THSD4: variants seen among roughly 807,000 people sequenced by gnomAD.
THSD4 encodes the protein thrombospondin type-1 domain-containing protein 4.
Under a neutral mutation model 119.0 loss-of-function variants are expected in THSD4, and 69 were observed. The ratio of observed to expected loss-of-function variants is 0.58; its 90% CI spans 0.48 to 0.71. THSD4 has a LOEUF of 0.71. Among genes scored for constraint, THSD4 ranks in the 30% least tolerant of loss-of-function variants. THSD4 has a pLI of 0.00. For missense variants in THSD4, 1,393 were observed against 1,391.1 expected (o/e 1.00, Z -0.02); for synonymous variants, 524 against 540.4 (o/e 0.97, Z 0.42).
intron 3 of THSD4, among the ~76,000 whole-genome samples, chr15:71,182,612 C>A (rs670409): frequency 6.6e-6 from 1 of 151,614 alleles, no homozygotes; most frequent in Admixed American, 6.6e-5. Context: ...TTCCAGGCCA[C>A]ATTACAGTTA....
intron 7 of THSD4, among the ~76,000 whole-genome samples, chr15:71,454,672 G>A (rs527444346): frequency 2.6e-5 from 4 of 152,228 alleles, no homozygotes; most frequent in East Asian, 1.9e-4. Context: ...AGCACAGCCC[G>A]TTAAAATTCA....
intron 7 of THSD4, among the ~76,000 whole-genome samples, chr15:71,587,798 AAG>A (rs1555429613): frequency 2.6e-4 from 18 of 69,344 alleles, no homozygotes; most frequent in East Asian, 1.1e-3. Flanking sequence ...AAAAAAAAAA[AAG>A]AAAAAAAAAA....
intron 6 of THSD4, among the ~76,000 whole-genome samples, chr15:71,266,291 C>G (rs2044465014): frequency 6.6e-6 from 1 of 152,220 alleles, no homozygotes; most frequent in South Asian, 2.1e-4. Flanking sequence ...TGTTCTTCAG[C>G]CTCTGCTGGT....
chr15:71,205,188 G>A (rs1440479731), intron 3 of THSD4, among the ~76,000 whole-genome samples: 1 of 152,158 alleles, frequency 6.6e-6, no homozygotes, highest in Non-Finnish European at 1.5e-5. Flanking sequence ...ACATTACCCC[G>A]TGGCTCTCAC....
chr15:71,581,437 T>G (rs1397060173), intron 7 of THSD4, among the ~76,000 whole-genome samples: 1 of 152,224 alleles, frequency 6.6e-6, no homozygotes, highest in Non-Finnish European at 1.5e-5. Flanking sequence ...ATTATATTCC[T>G]TATCAGGATA....
chr15:71,702,978 C>A (rs1278339888), intron 8 of THSD4, among the ~76,000 whole-genome samples: 2 of 151,918 alleles, frequency 1.3e-5, no homozygotes, highest in African/African-American at 2.4e-5. Flanking sequence ...GGTTTCTGAC[C>A]CCTGCTCTTT....
intron 8 of THSD4, among the ~76,000 whole-genome samples, chr15:71,723,019 G>C (rs2052751876): frequency 6.6e-6 from 1 of 151,538 alleles, no homozygotes; most frequent in Non-Finnish European, 1.5e-5. Flanking sequence ...TTGTGTGGAT[G>C]GCCAGTGTTA....
At chr15:71,102,880 CT>C (rs1197185662) in intron 1 of THSD4, among the ~76,000 whole-genome samples, 4 of 152,114 alleles carry the variant, frequency 2.6e-5, no homozygotes, top group Admixed American at 6.6e-5. Context: ...TTTATATCTT[CT>C]TTTTTCCCCC....
intron 6 of THSD4, chr15:71,342,587 G>A (rs12592779): frequency 0.19 from 29,297 of 152,408 alleles, 3,746 homozygotes; most frequent in East Asian, 0.57. Context: ...TGCCCTGGCA[G>A]GCGCAGACCC....
At chr15:71,542,876 C>CAAA (rs59058386) in intron 7 of THSD4, among the ~76,000 whole-genome samples, 1 of 137,800 alleles carries the variant, frequency 7.3e-6, no homozygotes, top group African/African-American at 2.7e-5. Context: ...GACTCTGTCT[C>CAAA]AAAAAAAAAA....
At chr15:71,343,375 T>G (rs1332955455) in intron 6 of THSD4, among the ~76,000 whole-genome samples, 1 of 152,222 alleles carries the variant, frequency 6.6e-6, no homozygotes, top group African/African-American at 2.4e-5. Context: ...TTCCAGGGTA[T>G]GCCATGACAG....
chr15:71,216,888 C>G (rs12594372), intron 4 of THSD4, among the ~76,000 whole-genome samples: 2 of 152,158 alleles, frequency 1.3e-5, no homozygotes, highest in East Asian at 3.9e-4. Flanking sequence ...GCCTCCAACT[C>G]CGGGTTCAAG....
At chr15:71,182,198 G>T (rs926831815) in intron 3 of THSD4, among the ~76,000 whole-genome samples, 2 of 151,614 alleles carry the variant, frequency 1.3e-5, no homozygotes, top group African/African-American at 2.4e-5. Context: ...TTCTATATAT[G>T]AATATTTCTT....
chr15:71,168,236 A>T (rs538846635), intron 3 of THSD4, among the ~76,000 whole-genome samples: 9 of 152,362 alleles, frequency 5.9e-5, no homozygotes, highest in Non-Finnish European at 1.2e-4. Context: ...AAGGGAAAAT[A>T]TGTCGATTGT....
At chr15:71,740,089 T>C (rs959068356) in intron 11 of THSD4, among the ~76,000 whole-genome samples, 2 of 152,182 alleles carry the variant, frequency 1.3e-5, no homozygotes. Flanking sequence ...TGTTGATTTA[T>C]AGAGGTTTTA....
At chr15:71,428,168 G>A (rs902825316) in intron 7 of THSD4, among the ~76,000 whole-genome samples, 3 of 152,180 alleles carry the variant, frequency 2.0e-5, no homozygotes, top group Admixed American at 6.5e-5. Flanking sequence ...GCACAGTCTA[G>A]AAGCACTGTC....
chr15:71,415,892 G>A (rs1183995826), intron 7 of THSD4, among the ~76,000 whole-genome samples: 1 of 152,152 alleles, frequency 6.6e-6, no homozygotes, highest in Admixed American at 6.5e-5. Flanking sequence ...CGCCTCCCAG[G>A]TTCAAGCCAT....
In THSD4 at chr15:71,608,255, C is replaced by T. The variant is rs866296469; in HGVS notation, c.1153-52275C>T. Among the ~76,000 whole-genome samples the T allele has an allele frequency of 5.9e-3, 715 of 120,462 alleles. 11 individuals are homozygous for T. Among genetic ancestry groups the T allele is most frequent in the African/African-American group, 0.017 (604 of 34,782 alleles). The allele number at this position is 120,462 out of a possible 152,430, so 79.0% of individuals were successfully genotyped here. A position where few individuals can be genotyped will look rare whatever the true frequency, so the allele number is the denominator to read the frequency against. ...AAAAAAAAATATATATATATACACACACACACACACACACACACACACACA... is the reference window on the plus strand; with the variant it reads ...AAAAAAAAATATATATATATACACATACACACACACACACACACACACACA... On this transcript the variant is annotated intron_variant, in intron 7 of 17. Transcript: ENST00000261862.
At chr15:71,411,917 C>A in intron 7 of THSD4, 94 bp downstream of exon 7, 1 of 1,534,294 alleles carries the variant, frequency 6.5e-7, no homozygotes, top group Non-Finnish European at 8.9e-7. Context: ...CTGCTAGCTC[C>A]CCCCAGCCCA....
Sources: gnomAD v4.1 joint callset for allele counts (sites outside exome capture counted in the v4.1 genomes callset) on GRCh38, gnomAD v4.1.1 for gene constraint, MANE v1.5 for transcripts, NCBI Gene and HGNC (gene_info 2026-07-23, HGNC 2026-07-21) for gene names.